Variants in HMGB1 observed in about 807,000 individuals in gnomAD.
The protein encoded by HMGB1 is high mobility group box 1.
For synonymous variants in HMGB1, 81 were observed against 84.0 expected, an observed-to-expected ratio of 0.96 and a Z score of 0.19; for missense variants, 79 against 253.5, an observed-to-expected ratio of 0.31 and a Z score of 4.67.
chr13:30,462,330 T>A (rs2137395841), intron 4 of HMGB1: 2 of 612,774 alleles, frequency 3.3e-6, no homozygotes, highest in East Asian at 6.1e-5. Context: ...AACATAAATG[T>A]ACACAGCCTT....
At chr13:30,475,598 G>A (rs943152968) in intron 1 of HMGB1, among the ~76,000 whole-genome samples, 32 of 151,966 alleles carry the variant, frequency 2.1e-4, no homozygotes, top group African/African-American at 7.0e-4. Flanking sequence ...CACTCAGAAG[G>A]CTGAGATAGG....
chr13:30,528,586 G>C (rs1222022666), intron 1 of HMGB1, among the ~76,000 whole-genome samples: 1 of 152,194 alleles, frequency 6.6e-6, no homozygotes, highest in African/African-American at 2.4e-5. Flanking sequence ...GAAACAATGA[G>C]TTAGTTGTGT....
intron 1 of HMGB1, among the ~76,000 whole-genome samples, chr13:30,506,454 C>T (rs536866100): frequency 7.2e-5 from 11 of 152,290 alleles, no homozygotes; most frequent in Admixed American, 1.3e-4. Flanking sequence ...TTGAACCCTT[C>T]TCTATCACTG....
chr13:30,553,661 T>G lies in HMGB1; in HGVS notation c.-15+63010A>C, dbSNP rs143927992. 1.6e-3 allele frequency: 1,138 copies of G among 731,162 alleles called. 16 individuals are homozygous for G. The African/African-American group carries it at 0.017, about 11-fold the overall frequency. The allele number at this position is 731,162 out of a possible 1,614,324, so 45.3% of individuals were successfully genotyped here. A position where few individuals can be genotyped will look rare whatever the true frequency, so the allele number is the denominator to read the frequency against. On this transcript the variant is annotated intron_variant, in intron 1 of 4. Transcript: ENST00000405805. ...TCCATTTCTCTTAAGATTCACTATTTGTCCCAGCCATGCCCACCATCATTG... is the reference window on the plus strand; with the variant it reads ...TCCATTTCTCTTAAGATTCACTATTGGTCCCAGCCATGCCCACCATCATTG...
At chr13:30,486,420 A>G (rs555153884) in intron 1 of HMGB1, among the ~76,000 whole-genome samples, 1 of 152,226 alleles carries the variant, frequency 6.6e-6, no homozygotes, top group East Asian at 1.9e-4. Context: ...TCTGGGGGAG[A>G]GGAGACAGCT....
intron 1 of HMGB1, among the ~76,000 whole-genome samples, chr13:30,495,922 A>C (rs1236218643): frequency 1.3e-5 from 2 of 152,200 alleles, no homozygotes; most frequent in Admixed American, 1.3e-4. Context: ...TCAGTTGGTC[A>C]GTGTCCTTAT....
chr13:30,608,754 A>C (rs918681405), intron 1 of HMGB1, among the ~76,000 whole-genome samples: 1 of 152,246 alleles, frequency 6.6e-6, no homozygotes, highest in African/African-American at 2.4e-5. Context: ...TTGTTGCTCC[A>C]AATCTCAGCT....
chr13:30,461,945 T>C (rs550371138), intron 4 of HMGB1, among the ~76,000 whole-genome samples: 28 of 152,026 alleles, frequency 1.8e-4, no homozygotes, highest in Non-Finnish European at 2.8e-4. Flanking sequence ...AAAAAAAAGG[T>C]AATTTGTCAA....
chr13:30,560,943 T>G (rs1399983864), intron 1 of HMGB1, among the ~76,000 whole-genome samples: 4 of 148,800 alleles, frequency 2.7e-5, no homozygotes, highest in Non-Finnish European at 6.0e-5. Context: ...TTATATATGT[T>G]TTTTTTTTTT....
At chr13:30,528,460 G>C (rs953854590) in intron 1 of HMGB1, among the ~76,000 whole-genome samples, 1 of 152,150 alleles carries the variant, frequency 6.6e-6, no homozygotes, top group Non-Finnish European at 1.5e-5. Context: ...ACCGTATTGC[G>C]CTCCCTTGCT....
chr13:30,501,506 C>T (rs1452798811), intron 1 of HMGB1, among the ~76,000 whole-genome samples: 2 of 151,872 alleles, frequency 1.3e-5, no homozygotes. Context: ...GCTTAAGAAC[C>T]CCTGTTTTAG....
At chr13:30,479,676 G>A (rs1887183741) in intron 1 of HMGB1, among the ~76,000 whole-genome samples, 2 of 152,300 alleles carry the variant, frequency 1.3e-5, no homozygotes, top group South Asian at 2.1e-4. Context: ...CTTGGGCAAA[G>A]TGAATGAACC....
intron 1 of HMGB1, among the ~76,000 whole-genome samples, chr13:30,539,081 G>C (rs557379323): frequency 6.6e-6 from 1 of 152,240 alleles, no homozygotes; most frequent in East Asian, 1.9e-4. Flanking sequence ...ATTTTTAGTA[G>C]AGATGCGGTT....
chr13:30,554,595 T>C (rs1157065675), intron 1 of HMGB1: 1 of 771,742 alleles, frequency 1.3e-6, no homozygotes, highest in Non-Finnish European at 2.4e-6. Context: ...AACAAAATAA[T>C]GACTGAAAAA....
chr13:30,556,298 G>A (rs1017045873), intron 1 of HMGB1, among the ~76,000 whole-genome samples: 1 of 152,150 alleles, frequency 6.6e-6, no homozygotes, highest in Non-Finnish European at 1.5e-5. Flanking sequence ...CCAGCTACTC[G>A]AGAGCTGAGG....
intron 1 of HMGB1, among the ~76,000 whole-genome samples, chr13:30,475,637 C>T (rs1262938775): frequency 6.6e-6 from 1 of 151,988 alleles, no homozygotes; most frequent in African/African-American, 2.4e-5. Context: ...GAGTTTGAGG[C>T]TGCAGTGAGC....
chr13:30,498,139 G>C (rs749801756), intron 1 of HMGB1, among the ~76,000 whole-genome samples: 2 of 152,122 alleles, frequency 1.3e-5, no homozygotes, highest in African/African-American at 4.8e-5. Flanking sequence ...TGACTTTCTA[G>C]TGATGGCCAT....
chr13:30,554,578 T>C (rs1869591924), intron 1 of HMGB1: 1 of 772,356 alleles, frequency 1.3e-6, no homozygotes, highest in South Asian at 1.4e-5. Context: ...CTTTTGATCA[T>C]TCACCGAACA....
At chr13:30,472,004 G>T (rs1306726917) in intron 1 of HMGB1, among the ~76,000 whole-genome samples, 1 of 151,902 alleles carries the variant, frequency 6.6e-6, no homozygotes, top group Non-Finnish European at 1.5e-5. Context: ...GTGACCAGGT[G>T]TGGTGGCTTA....
Sources: allele counts gnomAD v4.1 joint callset (sites outside exome capture counted in the v4.1 genomes callset), GRCh38; gene constraint gnomAD v4.1.1; transcripts MANE v1.5; gene names NCBI Gene and HGNC (gene_info 2026-07-23, HGNC 2026-07-21).